The following PCNX2 variants were observed in gnomAD, a reference collection of about 807,000 sequenced individuals.
PCNX2 encodes the protein pecanex-like protein 2.
Under a neutral mutation model 223.8 loss-of-function variants are expected in PCNX2, and 168 were observed. The ratio of observed to expected loss-of-function variants is 0.75; its 90% CI spans 0.66 to 0.85. The LOEUF (loss-of-function observed/expected upper bound fraction) is 0.85. PCNX2 is among the 40% of genes least tolerant of loss of function. The pLI, the probability that PCNX2 is intolerant of heterozygous loss-of-function variation, is 0.00. For missense variants in PCNX2, 2,507 were observed against 2,675.5 expected (o/e 0.94, Z 1.39); for synonymous variants, 1,006 against 1,052.6 (o/e 0.96, Z 0.86).
chr1:233,017,579 G>T (rs1272129352), intron 26 of PCNX2, among the ~76,000 whole-genome samples: 1 of 152,026 alleles, frequency 6.6e-6, no homozygotes, highest in Non-Finnish European at 1.5e-5. Context: ...GCCTCCCAAA[G>T]TGCTGGGATT....
chr1:233,218,011 A>G lies in PCNX2; in HGVS notation c.2658+20T>C. On this transcript the variant is annotated intron_variant, in intron 11 of 33. Coordinates refer to ENST00000258229, the MANE Select transcript of PCNX2 (RefSeq NM_014801.4). ...TTAGTGACAGCACACGCTACTGGTA[A>G]GAATTAGATGTGGTCTTGCCTTTAG... The G allele has an allele frequency of 6.2e-7, 1 of 1,612,014 alleles. No homozygotes were observed. The highest frequency in any genetic ancestry group is 8.5e-7 in the Non-Finnish European group (1 of 1,179,092).
chr1:233,002,869 A>G (rs186522549), intron 28 of PCNX2, among the ~76,000 whole-genome samples: 483 of 152,332 alleles, frequency 3.2e-3, no homozygotes, highest in South Asian at 0.01. Context: ...CAACCATCTG[A>G]TCTTTGACAA....
intron 17 of PCNX2, among the ~76,000 whole-genome samples, chr1:233,166,738 CAGA>C (rs1678818528): frequency 6.6e-6 from 1 of 152,102 alleles, no homozygotes; most frequent in Non-Finnish European, 1.5e-5. Context: ...CACCAAAAAG[CAGA>C]TATTATTCTG....
chr1:233,123,676 GAAGGC>G (rs1675937360), intron 21 of PCNX2, among the ~76,000 whole-genome samples: 1 of 152,178 alleles, frequency 6.6e-6, no homozygotes, highest in South Asian at 2.1e-4. Flanking sequence ...ATGACTTGAT[GAAGGC>G]AAGTCTCTAA....
chr1:233,278,873 C>T (rs919588263), intron 1 of PCNX2, among the ~76,000 whole-genome samples: 1 of 152,172 alleles, frequency 6.6e-6, no homozygotes, highest in Non-Finnish European at 1.5e-5. Context: ...GCACCCCACT[C>T]CTAAATGCAT....
intron 9 of PCNX2, chr1:233,232,875 A>G (rs927182340): frequency 3.0e-6 from 3 of 984,960 alleles, no homozygotes; most frequent in Non-Finnish European, 3.6e-6. Context: ...TAATGATAAT[A>G]ATAATAATAA....
chr1:233,265,606 A>G (rs749120738), intron 1 of PCNX2, among the ~76,000 whole-genome samples: 20 of 152,234 alleles, frequency 1.3e-4, no homozygotes, highest in Non-Finnish European at 2.4e-4. Context: ...AGGCCCCTAT[A>G]AACACAAGAT....
intron 19 of PCNX2, among the ~76,000 whole-genome samples, chr1:233,155,915 C>A (rs1678093194): frequency 6.6e-6 from 1 of 152,124 alleles, no homozygotes. Context: ...GAATAATATG[C>A]AGTTGCCTAT....
intron 1 of PCNX2, among the ~76,000 whole-genome samples, chr1:233,271,204 G>A (rs1372712612): frequency 6.6e-6 from 1 of 152,158 alleles, no homozygotes; most frequent in East Asian, 1.9e-4. Flanking sequence ...CTGAGGTTGT[G>A]TTGGAAATCC....
rs375808175 is a variant in PCNX2 at position 232,998,401 on chromosome 1, C to T, written c.5641G>A (p.Gly1881Ser). The change falls in exon 32 of 34, where the codon GGC (glycine) becomes AGC (serine). Residue 1881 changes from glycine to serine, a missense_variant. Physicochemically the swap from Gly to Ser is moderately conservative, Grantham distance 56. Coordinates refer to ENST00000258229, the MANE Select transcript of PCNX2 (RefSeq NM_014801.4). ...CCTCCGTCCACGTCTTCAATGTTGC[C>T]GCCACTGTGCTGGCGGGCATTGCAA... The part of the protein sequence containing the change: ...KDCNARQHSG[G>S]NIEDVDGGGA... 6.1e-5 allele frequency: 99 copies of T among 1,612,690 alleles called. No individual in the cohort carries two copies. The highest frequency in any genetic ancestry group is 1.6e-4 in the Middle Eastern group (1 of 6,084).
chr1:233,013,470 CACA>C (rs1287814360), intron 28 of PCNX2, among the ~76,000 whole-genome samples: 2 of 152,148 alleles, frequency 1.3e-5, no homozygotes, highest in Admixed American at 6.6e-5. Context: ...CATTTGGAAA[CACA>C]GTCAACAAGG....
At position 233,295,227 on chromosome 1, in the gene PCNX2, G is replaced by A; in HGVS notation, c.153+99C>T. ...CTTTCCGTCTCTTAAGAATCTCTACGAACCCGAAAGCCCGTGAGGCTGATG... is the reference window on the plus strand; with the variant it reads ...CTTTCCGTCTCTTAAGAATCTCTACAAACCCGAAAGCCCGTGAGGCTGATG... On this transcript the variant is annotated intron_variant, in intron 1 of 33. Coordinates refer to ENST00000258229, the MANE Select transcript of PCNX2 (RefSeq NM_014801.4). The surrounding 1 kb of genome is among the most constrained non-coding windows in gnomAD (Gnocchi z 4.1). 1.3e-6 allele frequency: 2 copies of A among 1,502,228 alleles called. No homozygotes were observed. Among genetic ancestry groups the A allele is most frequent in the South Asian group, 1.2e-5 (1 of 81,748 alleles). 93.1% of individuals were successfully genotyped at this position (1,502,228 alleles called of 1,614,324 possible).
At chr1:233,032,354 C>T (rs367737365) in intron 25 of PCNX2, among the ~76,000 whole-genome samples, 1 of 152,268 alleles carries the variant, frequency 6.6e-6, no homozygotes, top group East Asian at 1.9e-4. Context: ...CCACCCACCT[C>T]GGCCTCCCAA....
chr1:233,147,184 C>T (rs891389852), intron 19 of PCNX2, among the ~76,000 whole-genome samples: 1 of 152,130 alleles, frequency 6.6e-6, no homozygotes, highest in African/African-American at 2.4e-5. Context: ...AACGCTTGCA[C>T]AGTCAAAAGT....
intron 1 of PCNX2, among the ~76,000 whole-genome samples, chr1:233,288,312 T>C (rs986643618): frequency 6.6e-6 from 1 of 152,168 alleles, no homozygotes; most frequent in Non-Finnish European, 1.5e-5. Flanking sequence ...AAAAATACCA[T>C]GTATCTGAGG....
intron 13 of PCNX2, among the ~76,000 whole-genome samples, chr1:233,205,120 A>G (rs2102904041): frequency 6.6e-6 from 1 of 152,334 alleles, no homozygotes; most frequent in African/African-American, 2.4e-5. Flanking sequence ...AGACAACTAC[A>G]CTTATTCCAA....
chr1:233,079,055 C>A (rs925134475), intron 23 of PCNX2, among the ~76,000 whole-genome samples: 1 of 152,060 alleles, frequency 6.6e-6, no homozygotes, highest in Non-Finnish European at 1.5e-5. Context: ...GAAGGACCAG[C>A]CTAAGTCACA....
Position 233,160,311 on chromosome 1 carries a change from G to C in PCNX2, c.3489C>G (p.Asn1163Lys). 1 of 1,608,922 alleles carries C rather than the reference G, an allele frequency of 6.2e-7. No homozygotes were observed. Among genetic ancestry groups the C allele is most frequent in the South Asian group, 1.1e-5 (1 of 90,830 alleles). ...WMWISHPILK[N>K]KEYHQREVRD... ...TCACTTCCCGTTGATGATACTCTTT[G>C]TTTTTGAGAATGGGGTGTGAAATCC... The change falls in exon 19 of 34, where the codon AAC becomes AAG. Residue 1163 changes from asparagine (N) to lysine (K), a missense_variant. By Grantham distance (94) the Asn-to-Lys change is moderately conservative (BLOSUM62 0). Around this residue, in one of 3 missense-constraint regions of PCNX2, gnomAD observed 1,372 missense variants for 1,509.4 expected, o/e 0.91. Coordinates refer to ENST00000258229, the MANE Select transcript of PCNX2 (RefSeq NM_014801.4).
intron 4 of PCNX2, 46 bp from the exon 5 acceptor site, chr1:233,259,390 T>A: frequency 6.5e-7 from 1 of 1,533,184 alleles, no homozygotes; most frequent in Admixed American, 2.1e-5. Flanking sequence ...AATGAATGAG[T>A]AATGCCCAAG....
Sources: allele counts gnomAD v4.1 joint callset (sites outside exome capture counted in the v4.1 genomes callset), GRCh38; gene constraint gnomAD v4.1.1; regional missense constraint gnomAD v4.1.1; non-coding constraint Gnocchi (gnomAD v3.1); transcripts MANE v1.5; gene names NCBI Gene and HGNC (gene_info 2026-07-23, HGNC 2026-07-21).